The following ARHGAP10 variants were observed in gnomAD, a reference collection of about 807,000 sequenced individuals.
The protein encoded by ARHGAP10 is rho GTPase-activating protein 10.
A neutral mutation model predicts 108.6 loss-of-function variants in ARHGAP10; 87 were observed. The observed-to-expected ratio is 0.80, with a 90% CI of 0.67 to 0.96. The LOEUF (loss-of-function observed/expected upper bound fraction) is 0.96, where lower values mean the gene tolerates loss of function less well. Ranked by LOEUF, ARHGAP10 falls within the 40% of genes least tolerant of loss-of-function variation. ARHGAP10 has a pLI of 0.00. For synonymous variants in ARHGAP10, 347 were observed against 341.1 expected, an observed-to-expected ratio of 1.02 and a Z score of -0.19; for missense variants, 939 against 954.5, an observed-to-expected ratio of 0.98 and a Z score of 0.21.
chr4:147,795,961 G>A, intron 1 of ARHGAP10, among the ~76,000 whole-genome samples: 1 of 152,060 alleles, frequency 6.6e-6, no homozygotes. Context: ...TCAAAGTGCT[G>A]GGATTACAGA....
At chr4:147,982,926 G>C (rs985487936) in intron 18 of ARHGAP10, among the ~76,000 whole-genome samples, 7 of 151,922 alleles carry the variant, frequency 4.6e-5, no homozygotes, top group African/African-American at 1.7e-4. Flanking sequence ...TCTCGCCCAG[G>C]CTGGAGTGCA....
At chr4:147,900,475 T>C (rs1045852842) in intron 10 of ARHGAP10, among the ~76,000 whole-genome samples, 5 of 152,216 alleles carry the variant, frequency 3.3e-5, no homozygotes, top group Admixed American at 2.0e-4. Flanking sequence ...TTTTCGTTCA[T>C]GAAATTTATA....
intron 18 of ARHGAP10, among the ~76,000 whole-genome samples, chr4:148,001,164 A>G (rs1304457841): frequency 6.6e-6 from 1 of 152,198 alleles, no homozygotes; most frequent in Non-Finnish European, 1.5e-5. Context: ...CCTTTTATTG[A>G]ATAGGGAATC....
chr4:147,806,060 C>A lies in ARHGAP10; in HGVS notation c.155-16667C>A, dbSNP rs193237165. Among the ~76,000 whole-genome samples the A allele has an allele frequency of 1.2e-4, 19 of 152,106 alleles. No homozygotes were observed. The Middle Eastern group carries it at 0.027, about 218-fold the overall frequency. ...TTATTTATAAAATCCATACTTTAAGCCTTTTGTTTATATTTATTTAACTCA... is the reference window on the plus strand; with the variant it reads ...TTATTTATAAAATCCATACTTTAAGACTTTTGTTTATATTTATTTAACTCA... On this transcript the variant is annotated intron_variant, in intron 1 of 22. Coordinates refer to ENST00000336498, the MANE Select transcript of ARHGAP10 (RefSeq NM_024605.4).
intron 19 of ARHGAP10, among the ~76,000 whole-genome samples, chr4:148,026,244 T>A (rs1164145189): frequency 6.6e-6 from 1 of 152,214 alleles, no homozygotes; most frequent in Non-Finnish European, 1.5e-5. Flanking sequence ...ACACTCGGAA[T>A]TGGTTTCAGT....
At chr4:147,780,469 G>A (rs1259575630) in intron 1 of ARHGAP10, among the ~76,000 whole-genome samples, 1 of 152,168 alleles carries the variant, frequency 6.6e-6, no homozygotes, top group Non-Finnish European at 1.5e-5. Flanking sequence ...AAAGAGGGCA[G>A]TGTTTATAGA....
intron 9 of ARHGAP10, 39 bp from the exon 10 acceptor site, chr4:147,881,799 C>T (rs769400769): frequency 1.3e-6 from 2 of 1,593,506 alleles, no homozygotes; most frequent in African/African-American, 1.3e-5. Context: ...ATATACTTAT[C>T]CTGTAGGTTT....
chr4:148,068,241 A>AGCG (rs1289512568), intron 22 of ARHGAP10, among the ~76,000 whole-genome samples: 5 of 152,274 alleles, frequency 3.3e-5, no homozygotes, highest in Admixed American at 2.0e-4. Flanking sequence ...CCCACGTGGC[A>AGCG]GCGGCAGCAG....
rs140142578 is a variant in ARHGAP10, at chr4:147,817,279, G to A, written c.155-5448G>A. On this transcript the variant is annotated intron_variant, in intron 1 of 22. Transcript: ENST00000336498. ...AACTTCATGACGAGGGCTCAGGCTT[G>A]TAACTTAAGGGGTTATCCTGCACTG... 2.7e-3 allele frequency among the ~76,000 whole-genome samples: 412 copies of A among 152,282 alleles called. 5 individuals carry two copies. Among genetic ancestry groups the A allele is most frequent in the Non-Finnish European group, 6.2e-4 (42 of 68,014 alleles).
At chr4:147,855,683 T>G (rs1439251560) in intron 4 of ARHGAP10, among the ~76,000 whole-genome samples, 2 of 108,282 alleles carry the variant, frequency 1.8e-5, no homozygotes, top group Non-Finnish European at 3.5e-5. Context: ...TGTCAGATGG[T>G]TTTTTTTTTT....
chr4:147,999,915 CT>C (rs1740628832), intron 18 of ARHGAP10, among the ~76,000 whole-genome samples: 1 of 150,310 alleles, frequency 6.7e-6, no homozygotes, highest in Non-Finnish European at 1.5e-5. Flanking sequence ...AAAATAGCTC[CT>C]ATTAACAGTG....
At chr4:147,828,994 T>C (rs1236087809) in intron 3 of ARHGAP10, among the ~76,000 whole-genome samples, 1 of 151,434 alleles carries the variant, frequency 6.6e-6, no homozygotes, top group African/African-American at 2.4e-5. Context: ...TTTTCCTGCC[T>C]CAGCCTCCCC....
intron 20 of ARHGAP10, among the ~76,000 whole-genome samples, chr4:148,047,675 G>T (rs1728948114): frequency 1.3e-5 from 2 of 152,216 alleles, no homozygotes; most frequent in South Asian, 4.1e-4. Flanking sequence ...GTAAAGGCAG[G>T]ATGGTGGTGA....
chr4:147,892,583 GGGTTGGCT>G lies in ARHGAP10; in HGVS notation c.1034+10654_1034+10661del. 7.2e-4 allele frequency among the ~76,000 whole-genome samples: 6 copies of G among 8,330 alleles called. No homozygotes were observed. In the South Asian group the frequency reaches 0.043, roughly 60 times the overall value. 5.5% of individuals were successfully genotyped at this position (8,330 alleles called of 152,430 possible). A position where few individuals can be genotyped will look rare whatever the true frequency, so the allele number is the denominator to read the frequency against. On this transcript the variant is annotated intron_variant, in intron 10 of 22. Transcript: ENST00000336498. The stretch of plus-strand genomic sequence containing the variant: ...GAGTTGAGCAGCATGGGGGAGTGTG[GGGTTGGCT>G]GGGAGTGTGGGGTTGGCTGGAAGAG...
intron 20 of ARHGAP10, among the ~76,000 whole-genome samples, chr4:148,055,821 C>T (rs1729338923): frequency 6.6e-6 from 1 of 152,136 alleles, no homozygotes; most frequent in African/African-American, 2.4e-5. Context: ...GCCTCTGCTG[C>T]AGGAAAGCAC....
chr4:148,006,665 T>G (rs1740964076), intron 18 of ARHGAP10, among the ~76,000 whole-genome samples: 1 of 152,162 alleles, frequency 6.6e-6, no homozygotes, highest in Admixed American at 6.5e-5. Flanking sequence ...AGAGTACTTT[T>G]AAGGGGAAAA....
chr4:147,873,681 A>AACACACACACACACAC (rs67852364), intron 7 of ARHGAP10, among the ~76,000 whole-genome samples: 12,161 of 98,500 alleles, frequency 0.12, 1,131 homozygotes, highest in South Asian at 0.16. Flanking sequence ...CAAAAAACAA[A>AACACACACACACACAC]ACACACACAC....
At chr4:147,892,022 C>T (rs971901902) in intron 10 of ARHGAP10, among the ~76,000 whole-genome samples, 5 of 152,220 alleles carry the variant, frequency 3.3e-5, no homozygotes, top group Non-Finnish European at 5.9e-5. Flanking sequence ...ACATCACATT[C>T]AGGCACTGCT....
chr4:147,910,694 A>AT (rs1736696372), intron 12 of ARHGAP10, among the ~76,000 whole-genome samples: 1 of 152,138 alleles, frequency 6.6e-6, no homozygotes, highest in Non-Finnish European at 1.5e-5. Flanking sequence ...TTTAACTTAC[A>AT]TAAAAACGTG....
Sources: allele counts gnomAD v4.1 joint callset (sites outside exome capture counted in the v4.1 genomes callset), GRCh38; gene constraint gnomAD v4.1.1; transcripts MANE v1.5; gene names NCBI Gene and HGNC (gene_info 2026-07-23, HGNC 2026-07-21).